Variants in ENTPD1 observed in about 807,000 individuals in gnomAD.
The protein encoded by ENTPD1 is ATP diphosphohydrolase.
A neutral mutation model predicts 57.0 loss-of-function variants in ENTPD1; 33 were observed. The observed-to-expected ratio is 0.58, with a 90% CI of 0.44 to 0.77. The LOEUF (loss-of-function observed/expected upper bound fraction) is 0.77, where lower values mean the gene tolerates loss of function less well. Ranked by LOEUF, ENTPD1 falls within the 30% of genes least tolerant of loss-of-function variation. The pLI is 0.00. For missense variants in ENTPD1, 501 were observed against 603.4 expected (o/e 0.83, Z 1.78); for synonymous variants, 202 against 218.8 (o/e 0.92, Z 0.68).
At chr10:95,809,677 G>T (rs1295469192) in intron 1 of ENTPD1, among the ~76,000 whole-genome samples, 15 of 145,414 alleles carry the variant, frequency 1.0e-4, no homozygotes, top group African/African-American at 3.8e-4. Context: ...CCCAGACGGG[G>T]TGGCCGCCGG....
upstream of ENTPD1, among the ~76,000 whole-genome samples, chr10:95,709,359 T>A (rs1335442578): frequency 7.2e-6 from 1 of 138,138 alleles, no homozygotes. Flanking sequence ...CCTCTTTTCC[T>A]TATTTTTTTT....
chr10:95,842,263 A>G, intron 3 of ENTPD1, 81 bp from the exon 4 acceptor site: 1 of 1,308,438 alleles, frequency 7.6e-7, no homozygotes. Context: ...TTTTCAAAAC[A>G]CCATATTTTG....
Position 95,822,572 on chromosome 10 carries a change from G to C in ENTPD1, c.17-665G>C, listed in dbSNP as rs373588251. Among the ~76,000 whole-genome samples the C allele has an allele frequency of 6.3e-4, 96 of 152,360 alleles. No homozygotes were observed. The South Asian group carries it at 0.019, about 31-fold the overall frequency. On this transcript the variant is annotated intron_variant, in intron 1 of 9. Coordinates refer to ENST00000371205, the MANE Select transcript of ENTPD1 (RefSeq NM_001776.6). ...AGCCTCCCAAAGTGCTGGGACTACA[G>C]GTGTGAGCTGCCGTGTCCGGCCACT... is the stretch of plus-strand genomic sequence containing the variant.
At chr10:95,777,864 G>A (rs918518360) in intron 1 of ENTPD1, among the ~76,000 whole-genome samples, 8 of 152,208 alleles carry the variant, frequency 5.3e-5, no homozygotes, top group Admixed American at 3.3e-4. Flanking sequence ...CGGCAATGGC[G>A]GATGCCCCTC....
At chr10:95,745,085 T>A (rs2098004600) in intron 1 of ENTPD1, among the ~76,000 whole-genome samples, 1 of 152,218 alleles carries the variant, frequency 6.6e-6, no homozygotes, top group Non-Finnish European at 1.5e-5. Context: ...AAAATGAGTA[T>A]CTTTGACCTT....
At chr10:95,837,983 C>CCACACACCCA (rs1555301104) in intron 2 of ENTPD1, among the ~76,000 whole-genome samples, 1 of 139,884 alleles carries the variant, frequency 7.1e-6, no homozygotes, top group African/African-American at 2.7e-5. Flanking sequence ...CACACACACA[C>CCACACACCCA]CACACACCCA....
intron 1 of ENTPD1, among the ~76,000 whole-genome samples, chr10:95,768,218 T>G (rs1167615061): frequency 6.6e-6 from 1 of 152,244 alleles, no homozygotes; most frequent in Admixed American, 6.5e-5. Flanking sequence ...AATTTACAAC[T>G]TTCACAATAA....
At chr10:95,818,198 AATTC>A (rs550755554) in intron 1 of ENTPD1, among the ~76,000 whole-genome samples, 5 of 152,184 alleles carry the variant, frequency 3.3e-5, no homozygotes, top group Admixed American at 1.3e-4. Context: ...GAGAATCCAA[AATTC>A]ATTCATTCAT....
intron 2 of ENTPD1, among the ~76,000 whole-genome samples, chr10:95,823,579 C>T (rs1165891078): frequency 6.6e-6 from 1 of 152,162 alleles, no homozygotes; most frequent in Non-Finnish European, 1.5e-5. Context: ...GGGAAGTTAA[C>T]TGCCTTTATG....
chr10:95,707,355 T>C (rs2097962963), upstream of ENTPD1, among the ~76,000 whole-genome samples: 1 of 152,172 alleles, frequency 6.6e-6, no homozygotes, highest in South Asian at 2.1e-4. Flanking sequence ...TTGGGGGGGC[T>C]GCAGTGGTAC....
At chr10:95,802,870 G>A (rs962566243) in intron 1 of ENTPD1, among the ~76,000 whole-genome samples, 3 of 152,156 alleles carry the variant, frequency 2.0e-5, no homozygotes, top group African/African-American at 7.2e-5. Context: ...CATTTGGGTT[G>A]GTTCCAAGTC....
intron 1 of ENTPD1, among the ~76,000 whole-genome samples, chr10:95,746,473 C>A (rs1017206833): frequency 2.0e-5 from 3 of 152,022 alleles, no homozygotes; most frequent in African/African-American, 7.2e-5. Flanking sequence ...TAAAAAAAAA[C>A]GTGGCTGAAA....
intron 9 of ENTPD1, among the ~76,000 whole-genome samples, chr10:95,865,535 A>G (rs2098472727): frequency 6.6e-6 from 1 of 152,132 alleles, no homozygotes; most frequent in Non-Finnish European, 1.5e-5. Flanking sequence ...CCCTGTATTA[A>G]ATATGGTGAT....
chr10:95,761,489 G>T (rs2098062565), intron 1 of ENTPD1, among the ~76,000 whole-genome samples: 1 of 152,046 alleles, frequency 6.6e-6, no homozygotes, highest in Non-Finnish European at 1.5e-5. Flanking sequence ...GCTTATTTTG[G>T]TACTAAATGA....
intron 1 of ENTPD1, among the ~76,000 whole-genome samples, chr10:95,771,760 C>T (rs372714946): frequency 1.3e-5 from 2 of 152,282 alleles, no homozygotes; most frequent in Non-Finnish European, 2.9e-5. Flanking sequence ...TACATTTTCT[C>T]TTTAGGGGTA....
intron 1 of ENTPD1, among the ~76,000 whole-genome samples, chr10:95,713,410 A>G (rs566742082): frequency 6.6e-6 from 1 of 152,360 alleles, no homozygotes; most frequent in African/African-American, 2.4e-5. Flanking sequence ...GAAAGACACA[A>G]TAGTGTCTTG....
At chr10:95,794,206 A>T (rs916847414) in intron 1 of ENTPD1, among the ~76,000 whole-genome samples, 1 of 152,222 alleles carries the variant, frequency 6.6e-6, no homozygotes, top group South Asian at 2.1e-4. Flanking sequence ...TATTATTATT[A>T]TTTTTTAGAG....
At chr10:95,732,364 C>T (rs184384626) in intron 1 of ENTPD1, among the ~76,000 whole-genome samples, 8 of 152,278 alleles carry the variant, frequency 5.3e-5, no homozygotes, top group African/African-American at 1.2e-4. Context: ...TAACCATGTA[C>T]GTCTTAGTTA....
intron 1 of ENTPD1, among the ~76,000 whole-genome samples, chr10:95,761,757 C>T (rs2098064211): frequency 6.6e-6 from 1 of 152,184 alleles, no homozygotes; most frequent in Non-Finnish European, 1.5e-5. Flanking sequence ...CCAAGCTTCC[C>T]TAAACTTCCC....
Sources: gnomAD v4.1 joint callset for allele counts (sites outside exome capture counted in the v4.1 genomes callset) on GRCh38, gnomAD v4.1.1 for gene constraint, MANE v1.5 for transcripts, NCBI Gene and HGNC (gene_info 2026-07-23, HGNC 2026-07-21) for gene names.